Variants in PRIMA1 observed in about 807,000 individuals in gnomAD.
PRIMA1 encodes the protein proline-rich membrane anchor 1.
PRIMA1 carries 7 observed loss-of-function variants against 17.5 expected under a neutral mutation model. That is an observed-to-expected ratio of 0.40 (90% CI 0.23 to 0.75). PRIMA1 has a LOEUF of 0.75. Among genes scored for constraint, PRIMA1 ranks in the 30% least tolerant of loss-of-function variants. PRIMA1 has a pLI of 0.37. For missense variants in PRIMA1, 200 were observed against 201.8 expected (o/e 0.99, Z 0.05); for synonymous variants, 97 against 77.9 (o/e 1.25, Z -1.29).
intron 4 of PRIMA1, among the ~76,000 whole-genome samples, chr14:93,729,252 G>A (rs1361381739): frequency 6.6e-6 from 1 of 152,238 alleles, no homozygotes; most frequent in African/African-American, 2.4e-5. Flanking sequence ...CTCAGCACTT[G>A]CCCTCAGGAG....
chr14:93,782,437 A>G (rs1045724300), intron 2 of PRIMA1, among the ~76,000 whole-genome samples: 1 of 151,698 alleles, frequency 6.6e-6, no homozygotes, highest in African/African-American at 2.4e-5. Context: ...TGGGCAATAG[A>G]GTGAGACCTC....
chr14:93,727,253 G>A (rs1231109204), intron 4 of PRIMA1, among the ~76,000 whole-genome samples: 3 of 152,224 alleles, frequency 2.0e-5, no homozygotes. Flanking sequence ...TCCCCTGGGA[G>A]CTGTGGGCCG....
chr14:93,786,778 C>T (rs1885536960), intron 2 of PRIMA1, among the ~76,000 whole-genome samples: 1 of 152,272 alleles, frequency 6.6e-6, no homozygotes, highest in South Asian at 2.1e-4. Flanking sequence ...TCAACAATGG[C>T]AGCAACCACT....
intron 3 of PRIMA1, among the ~76,000 whole-genome samples, chr14:93,756,570 C>T (rs946940532): frequency 6.6e-6 from 1 of 152,208 alleles, no homozygotes; most frequent in Admixed American, 6.5e-5. Context: ...ATGCTCTTCC[C>T]CACAAATTGA....
intron 3 of PRIMA1, among the ~76,000 whole-genome samples, chr14:93,743,491 T>G (rs572288459): frequency 6.6e-6 from 1 of 152,224 alleles, no homozygotes; most frequent in Non-Finnish European, 1.5e-5. Flanking sequence ...TCCGGGCCCA[T>G]CAGGCGGGTC....
chr14:93,753,667 GACA>G (rs1393932859), intron 3 of PRIMA1, among the ~76,000 whole-genome samples: 1 of 152,120 alleles, frequency 6.6e-6, no homozygotes, highest in Non-Finnish European at 1.5e-5. Flanking sequence ...CAGAAGGCCC[GACA>G]ACAGAGCTTT....
At chr14:93,786,352 G>T (rs1280111084) in intron 2 of PRIMA1, among the ~76,000 whole-genome samples, 4 of 152,210 alleles carry the variant, frequency 2.6e-5, no homozygotes, top group Non-Finnish European at 4.4e-5. Flanking sequence ...AGCCAGAGAA[G>T]AGAGCAGAAG....
Position 93,720,829 on chromosome 14 carries a change from A to T in PRIMA1, c.*615T>A, listed in dbSNP as rs1314815260. On this transcript the variant is annotated 3_prime_UTR_variant, in exon 5 of 5. Transcript: ENST00000393140. ...GGACTCACAGCCCTCCATGGCAGGC[A>T]GTCAGGAGCCTAGGGTGTAGGGTGT... 6.6e-6 allele frequency: 1 copy of T among 152,466 alleles called. No homozygotes were observed. Among genetic ancestry groups the T allele is most frequent in the Middle Eastern group, 3.1e-3 (1 of 318 alleles). 9.4% of individuals were successfully genotyped at this position (152,466 alleles called of 1,614,324 possible).
chr14:93,741,870 A>G (rs2076186471), intron 3 of PRIMA1, among the ~76,000 whole-genome samples: 1 of 152,102 alleles, frequency 6.6e-6, no homozygotes, highest in Admixed American at 6.5e-5. Context: ...GAAAGGCAGG[A>G]GTTGACATCT....
At chr14:93,748,309 C>T (rs1195292709) in intron 3 of PRIMA1, among the ~76,000 whole-genome samples, 3 of 152,078 alleles carry the variant, frequency 2.0e-5, no homozygotes, top group Non-Finnish European at 4.4e-5. Context: ...TGAACCCAGA[C>T]AGTCTGGCCC....
rs1566965792 is a variant in PRIMA1, at chr14:93,737,347, T to G, written c.253A>C (p.Thr85Pro). 3 of 1,614,032 alleles carry G rather than the reference T, an allele frequency of 1.9e-6. No individual in the cohort carries two copies. Among genetic ancestry groups the G allele is most frequent in the Non-Finnish European group, 1.7e-6 (2 of 1,180,006 alleles). ...AGCCCCGACCACCAGCTTTCCTCAG[T>G]GGGGCAAGAGGTAGAGTTGGGAGCT... is the stretch of plus-strand genomic sequence containing the variant. ...APAPNSTSCPTEESWWSGLVI... is the reference protein window; with the variant it reads ...APAPNSTSCPPEESWWSGLVI... The change falls in exon 4 of 5, where the codon ACT becomes CCT. Residue 85 changes from threonine to proline, a missense_variant. Coordinates refer to ENST00000393140, the MANE Select transcript of PRIMA1 (RefSeq NM_178013.4).
rs545548399 is a variant in PRIMA1 at position 93,755,230 on chromosome 14, G to A, written c.230-17860C>T. Among the ~76,000 whole-genome samples the A allele has an allele frequency of 6.4e-4, 97 of 152,280 alleles. 1 individual carries two copies. The highest frequency in any genetic ancestry group is 2.3e-3 in the African/African-American group (94 of 41,550). ...CTTTCAAGATGATGTGTGTGTGTGT[G>A]TATATATGTATCCTGAGTGCGAGCA... is the stretch of plus-strand genomic sequence containing the variant. On this transcript the variant is annotated intron_variant, in intron 3 of 4. Coordinates refer to ENST00000393140, the MANE Select transcript of PRIMA1 (RefSeq NM_178013.4).
At chr14:93,744,594 A>G (rs1172608635) in intron 3 of PRIMA1, among the ~76,000 whole-genome samples, 2 of 152,174 alleles carry the variant, frequency 1.3e-5, no homozygotes, top group African/African-American at 4.8e-5. Flanking sequence ...CCCTATTTCT[A>G]CAGAGAAATG....
At chr14:93,787,024 G>C (rs1885544679) in intron 2 of PRIMA1, among the ~76,000 whole-genome samples, 1 of 151,950 alleles carries the variant, frequency 6.6e-6, no homozygotes, top group Admixed American at 6.6e-5. Context: ...GCGCATTCTG[G>C]GGGGGACTAG....
At chr14:93,757,151 G>C (rs1466849310) in intron 3 of PRIMA1, among the ~76,000 whole-genome samples, 1 of 152,152 alleles carries the variant, frequency 6.6e-6, no homozygotes, top group Non-Finnish European at 1.5e-5. Context: ...CACGCAGTGG[G>C]AACACTTCCA....
At chr14:93,751,999 G>A (rs1180379086) in intron 3 of PRIMA1, among the ~76,000 whole-genome samples, 1 of 152,188 alleles carries the variant, frequency 6.6e-6, no homozygotes, top group Non-Finnish European at 1.5e-5. Flanking sequence ...ATTTCGCACA[G>A]CACAGACCTA....
At chr14:93,778,851 G>A (rs1885297287) in intron 3 of PRIMA1, among the ~76,000 whole-genome samples, 2 of 152,130 alleles carry the variant, frequency 1.3e-5, no homozygotes, top group African/African-American at 2.4e-5. Flanking sequence ...TGTTGGGGGA[G>A]GGGGGCTATT....
chr14:93,733,993 C>T (rs183368966), intron 4 of PRIMA1, among the ~76,000 whole-genome samples: 2 of 152,298 alleles, frequency 1.3e-5, no homozygotes, highest in African/African-American at 4.8e-5. Flanking sequence ...CCCTCCCCAG[C>T]CTCCTTCTAG....
chr14:93,750,155 C>T (rs1159539136), intron 3 of PRIMA1, among the ~76,000 whole-genome samples: 3 of 151,872 alleles, frequency 2.0e-5, no homozygotes, highest in East Asian at 1.9e-4. Context: ...GCCACTGCAC[C>T]GTAGCCTGGG....
Sources: allele counts gnomAD v4.1 joint callset (sites outside exome capture counted in the v4.1 genomes callset), GRCh38; gene constraint gnomAD v4.1.1; transcripts MANE v1.5; gene names NCBI Gene and HGNC (gene_info 2026-07-23, HGNC 2026-07-21).